The following CDR2L variants were observed in gnomAD, a reference collection of about 807,000 sequenced individuals.
CDR2L encodes cerebellar degeneration related protein 2 like.
CDR2L carries 19 observed loss-of-function variants against 36.1 expected under a neutral mutation model. That is an observed-to-expected ratio of 0.53 (90% CI 0.37 to 0.77). CDR2L has a LOEUF of 0.77. CDR2L is among the 30% of genes least tolerant of loss of function. The probability of loss-of-function intolerance (pLI) is 0.00; values close to 1 mark genes in which losing one functional copy is unlikely to be tolerated. For missense variants in CDR2L, 575 were observed against 627.2 expected, an observed-to-expected ratio of 0.92 and a Z score of 0.89; for synonymous variants, 285 against 280.4, an observed-to-expected ratio of 1.02 and a Z score of -0.16.
At chr17:74,996,086 C>T (rs1386293312) in intron 1 of CDR2L, among the ~76,000 whole-genome samples, 3 of 151,858 alleles carry the variant, frequency 2.0e-5, no homozygotes, top group Non-Finnish European at 2.9e-5. Flanking sequence ...ATTATATTCA[C>T]AAAGTTATGC....
In CDR2L at chr17:74,999,604, G is replaced by A. The variant is rs2039852477; in HGVS notation, c.180G>A (p.Val60=). 6.4e-6 allele frequency: 10 copies of A among 1,569,460 alleles called. No homozygotes were observed. Among genetic ancestry groups the A allele is most frequent in the Non-Finnish European group, 8.6e-6 (10 of 1,156,602 alleles). Residue 60 remains valine, a synonymous_variant, in exon 2 of 5, where the codon GTG becomes GTA. Coordinates refer to ENST00000337231, the MANE Select transcript of CDR2L (RefSeq NM_014603.3). ...QQMYSTNEEQ[V]QEIEYLTKQL... The stretch of plus-strand genomic sequence containing the variant: ...TGTACTCCACCAATGAGGAACAGGT[G>A]CAGGAGATCGAGGTGAGGGCCCTGC...
At position 75,004,126 on chromosome 17, in the gene CDR2L, G is replaced by C. The variant is rs1014990552; in HGVS notation, c.*52G>C. The C allele has an allele frequency of 1.3e-6, 2 of 1,489,912 alleles. No individual in the cohort carries two copies. Among genetic ancestry groups the C allele is most frequent in the African/African-American group, 2.8e-5 (2 of 71,242 alleles). 92.3% of individuals were successfully genotyped at this position (1,489,912 alleles called of 1,614,324 possible). On this transcript the variant is annotated 3_prime_UTR_variant, in exon 5 of 5. Coordinates refer to ENST00000337231, the MANE Select transcript of CDR2L (RefSeq NM_014603.3). ...AGGGTGGAAGCCGTGGGGTCCCTCAGGCCTGGGCGGTGCAGCTTCCAGAGA... is the reference window on the plus strand; with the variant it reads ...AGGGTGGAAGCCGTGGGGTCCCTCACGCCTGGGCGGTGCAGCTTCCAGAGA...
Position 74,989,420 on chromosome 17 carries a change from C to CACACACACAT in CDR2L, c.79+1307_79+1308insTACACACACA, listed in dbSNP as rs907190818. On this transcript the variant is annotated intron_variant, in intron 1 of 4. Transcript: ENST00000337231. This position sits in a 1 kb window ranked among gnomAD's most constrained non-coding sequence, Gnocchi z 4.2. Reference sequence around the variant, plus strand: ...ATACAGCTCCTCTCAAACACACACACACACACACACACACACACACACACA... The same window carrying CACACACACAT: ...ATACAGCTCCTCTCAAACACACACACACACACACATACACACACACACACACACACACACA... Among the ~76,000 whole-genome samples, 5 of 150,694 alleles carry CACACACACAT rather than the reference C, an allele frequency of 3.3e-5. 1 individual carries two copies. Among genetic ancestry groups the CACACACACAT allele is most frequent in the East Asian group, 3.9e-4 (2 of 5,108 alleles).
At chr17:74,996,672 A>G (rs1029679033) in intron 1 of CDR2L, among the ~76,000 whole-genome samples, 4 of 151,810 alleles carry the variant, frequency 2.6e-5, no homozygotes, top group African/African-American at 4.8e-5. Context: ...CTCCTAGCCT[A>G]TCTGATGGGT....
chr17:74,994,075 A>G (rs2039811828), intron 1 of CDR2L, among the ~76,000 whole-genome samples: 1 of 152,078 alleles, frequency 6.6e-6, no homozygotes, highest in African/African-American at 2.4e-5. Context: ...ATCCCAAAGG[A>G]AAACTTCCAC....
At position 75,003,447 on chromosome 17, in the gene CDR2L, G is replaced by A. The variant is rs140924816; in HGVS notation, c.771G>A (p.Met257Ile). ...CCGAGCTGCTGGAGCTGCAGCAGAT[G>A]AAGCAGGCCAAGACCTACCTACTGG... is the stretch of plus-strand genomic sequence containing the variant. ...LEAELLELQQMKQAKTYLLGP... is the reference protein window; with the variant it reads ...LEAELLELQQIKQAKTYLLGP... The change falls in exon 5 of 5, where the codon ATG (methionine) becomes ATA (isoleucine). Residue 257 changes from methionine to isoleucine, a missense_variant. Transcript: ENST00000337231. The A allele has an allele frequency of 7.8e-5, 123 of 1,578,330 alleles. 1 individual carries two copies. In the African/African-American group the frequency reaches 1.3e-3, roughly 17 times the overall value.
At chr17:74,997,064 C>CTTTTTTTTTTT (rs1567974291) in intron 1 of CDR2L, among the ~76,000 whole-genome samples, 1 of 5,848 alleles carries the variant, frequency 1.7e-4, no homozygotes, top group Admixed American at 2.3e-3. Context: ...TTCTTTCTTT[C>CTTTTTTTTTTT]TTTCTTTCTT....
chr17:75,000,781 G>T (rs190829493), intron 2 of CDR2L, among the ~76,000 whole-genome samples: 3 of 151,600 alleles, frequency 2.0e-5, no homozygotes, highest in Admixed American at 2.0e-4. Context: ...AGGCATGGTG[G>T]TGGGCACCAG....
In CDR2L at chr17:75,004,290, G is replaced by A. The variant is rs2039890180; in HGVS notation, c.*216G>A. ...TTGGCCACCTCGCGCCAGCCCAAAG[G>A]CGCAGCTCTGAGTTCAAAGCCAAAT... On this transcript the variant is annotated 3_prime_UTR_variant, in exon 5 of 5. Coordinates refer to ENST00000337231, the MANE Select transcript of CDR2L (RefSeq NM_014603.3). The A allele has an allele frequency of 3.7e-6, 2 of 538,254 alleles. No individual in the cohort carries two copies. Among genetic ancestry groups the A allele is most frequent in the Non-Finnish European group, 6.6e-6 (2 of 303,956 alleles). 33.3% of individuals were successfully genotyped at this position (538,254 alleles called of 1,614,324 possible). A position where few individuals can be genotyped will look rare whatever the true frequency, so the allele number is the denominator to read the frequency against.
chr17:74,990,570 A>G (rs1038680839), intron 1 of CDR2L, among the ~76,000 whole-genome samples: 1 of 152,242 alleles, frequency 6.6e-6, no homozygotes, highest in East Asian at 1.9e-4. Flanking sequence ...GGTTTATGCC[A>G]AGGCCCTTTT....
Position 75,003,253 on chromosome 17 carries a change from G to A in CDR2L, c.577G>A (p.Glu193Lys), listed in dbSNP as rs1371947303. The change falls in exon 5 of 5, where the codon GAG (glutamate) becomes AAG (lysine). Residue 193 changes from glutamate to lysine, a missense_variant. Physicochemically the swap from Glu to Lys is moderately conservative, Grantham distance 56 (BLOSUM62 1). Transcript: ENST00000337231. ...LGPRPLEQEN[E>K]RLQTLVGALR... ...CCCGCGGCCCCTGGAGCAGGAGAAC[G>A]AGCGGCTGCAGACCCTGGTGGGGGC... The A allele has an allele frequency of 1.3e-6, 2 of 1,561,234 alleles. No individual in the cohort carries two copies. The highest frequency in any genetic ancestry group is 1.7e-6 in the Non-Finnish European group (2 of 1,153,668).
intron 1 of CDR2L, among the ~76,000 whole-genome samples, chr17:74,996,836 C>G (rs956153638): frequency 2.0e-5 from 3 of 152,078 alleles, no homozygotes; most frequent in African/African-American, 7.2e-5. Flanking sequence ...GGTACCCAAC[C>G]AGGAGCCCGA....
At chr17:75,001,980 C>T (rs1019287345) in intron 3 of CDR2L, 84 bp from the exon 4 acceptor site, 29 of 1,237,480 alleles carry the variant, frequency 2.3e-5, no homozygotes, top group Admixed American at 3.2e-5. Context: ...CAACGTCCCT[C>T]CATCTTCAGG....
chr17:74,988,270 G>A lies in CDR2L; in HGVS notation c.79+148G>A, dbSNP rs561309587. 2.3e-3 allele frequency: 1,194 copies of A among 515,172 alleles called. 6 individuals carry two copies. The highest frequency in any genetic ancestry group is 1.0e-3 in the Non-Finnish European group (303 of 297,682). The allele number at this position is 515,172 out of a possible 1,614,324, so 31.9% of individuals were successfully genotyped here. A position where few individuals can be genotyped will look rare whatever the true frequency, so the allele number is the denominator to read the frequency against. On this transcript the variant is annotated intron_variant, in intron 1 of 4. Transcript: ENST00000337231. The stretch of plus-strand genomic sequence containing the variant: ...AGGAGGGACGCGTCTGGAGAACCGG[G>A]ACGTGGAGAGAGGGGGCGCTGCCGG...
intron 1 of CDR2L, among the ~76,000 whole-genome samples, chr17:74,996,639 C>A (rs2039827976): frequency 6.6e-6 from 1 of 151,894 alleles, no homozygotes; most frequent in South Asian, 2.1e-4. Flanking sequence ...CCCACAACAT[C>A]CCCCTAAAAA....
At position 75,005,448 on chromosome 17, in the gene CDR2L, T is replaced by C. The variant is rs1426437009; in HGVS notation, c.*1374T>C. 1 of 152,766 alleles carries C rather than the reference T, an allele frequency of 6.5e-6. No individual in the cohort carries two copies. Among genetic ancestry groups the C allele is most frequent in the Non-Finnish European group, 1.5e-5 (1 of 68,132 alleles). 9.5% of individuals were successfully genotyped at this position (152,766 alleles called of 1,614,324 possible). Reference sequence around the variant, plus strand: ...TCCCAGTGGGAACCTTCATGCCTTATTTATTTCTAATGGGTAAAGGGGTTT... The same window carrying C: ...TCCCAGTGGGAACCTTCATGCCTTACTTATTTCTAATGGGTAAAGGGGTTT... On this transcript the variant is annotated 3_prime_UTR_variant, in exon 5 of 5. Transcript: ENST00000337231. This position sits in a 1 kb window ranked among gnomAD's most constrained non-coding sequence, Gnocchi z 4.2.
At chr17:75,000,376 C>CA (rs33996310) in intron 2 of CDR2L, among the ~76,000 whole-genome samples, 151,062 of 151,064 alleles carry the variant, frequency 1, 75,530 homozygotes, top group Middle Eastern at 1. Context: ...GGGCTCACTG[C>CA]AGCTCTGCCT....
chr17:74,992,542 A>G (rs1036584676), intron 1 of CDR2L, among the ~76,000 whole-genome samples: 5 of 152,048 alleles, frequency 3.3e-5, no homozygotes, highest in Non-Finnish European at 5.9e-5. Context: ...GCCTGGAGCC[A>G]TCACCCACCC....
intron 1 of CDR2L, among the ~76,000 whole-genome samples, 177 bp from the exon 2 acceptor site, chr17:74,999,327 A>ACACACACAC (rs879520803): frequency 1.0e-4 from 10 of 98,092 alleles, no homozygotes; most frequent in East Asian, 5.2e-4. Flanking sequence ...GACACACACA[A>ACACACACAC]AAAGAACATT....
Sources: gnomAD v4.1 joint callset for allele counts (sites outside exome capture counted in the v4.1 genomes callset) on GRCh38, gnomAD v4.1.1 for gene constraint, Gnocchi (gnomAD v3.1) non-coding constraint, MANE v1.5 for transcripts, NCBI Gene and HGNC (gene_info 2026-07-23, HGNC 2026-07-21) for gene names.